Variants in EPHA6 observed in about 807,000 individuals in gnomAD.
The protein encoded by EPHA6 is EPH receptor A6.
Under a neutral mutation model 112.0 loss-of-function variants are expected in EPHA6, and 50 were observed. The observed-to-expected ratio is 0.45, with a 90% CI of 0.36 to 0.56. The LOEUF (loss-of-function observed/expected upper bound fraction) is 0.56, where lower values mean the gene tolerates loss of function less well. EPHA6 is among the 20% of genes least tolerant of loss of function. The pLI, the probability that EPHA6 is intolerant of heterozygous loss-of-function variation, is 0.00. For missense variants in EPHA6, 1,280 were observed against 1,417.4 expected (o/e 0.90, Z 1.56); for synonymous variants, 529 against 490.7 (o/e 1.08, Z -1.03).
At position 97,755,669 on chromosome 3, in the gene EPHA6, A is replaced by G. The variant is rs192070230; in HGVS notation, c.*6968A>G. On this transcript the variant is annotated 3_prime_UTR_variant, in exon 18 of 18. Transcript: ENST00000389672. Reference sequence around the variant, plus strand: ...GAATCATTTTTCATATATTCCATTCAATTTGTATATTTAGGTATTAGTAAC... The same window carrying G: ...GAATCATTTTTCATATATTCCATTCGATTTGTATATTTAGGTATTAGTAAC... Among the ~76,000 whole-genome samples the G allele has an allele frequency of 1.1e-4, 16 of 152,228 alleles. No individual in the cohort carries two copies. Among genetic ancestry groups the G allele is most frequent in the Admixed American group, 1.0e-3 (16 of 15,302 alleles).
chr3:97,290,567 C>T (rs748872442), intron 5 of EPHA6, among the ~76,000 whole-genome samples: 2 of 152,044 alleles, frequency 1.3e-5, no homozygotes, highest in Non-Finnish European at 2.9e-5. Flanking sequence ...ATAACTGATT[C>T]TCTCTCTGTT....
intron 2 of EPHA6, among the ~76,000 whole-genome samples, chr3:96,884,288 G>T (rs2037495635): frequency 6.6e-6 from 1 of 152,026 alleles, no homozygotes; most frequent in South Asian, 2.1e-4. Context: ...GGATTGCATT[G>T]ATTTGTAGAT....
intron 5 of EPHA6, among the ~76,000 whole-genome samples, chr3:97,303,763 T>C (rs1186810955): frequency 6.6e-6 from 1 of 152,058 alleles, no homozygotes; most frequent in Non-Finnish European, 1.5e-5. Context: ...AAAAATAAAT[T>C]TGGATTCATA....
rs867524806 is a variant in EPHA6 at position 97,632,460 on chromosome 3, A to C, written c.2575-5413A>C. Among the ~76,000 whole-genome samples the C allele has an allele frequency of 2.1e-3, 317 of 152,136 alleles. 3 individuals are homozygous for C. The highest frequency in any genetic ancestry group is 7.1e-3 in the African/African-American group (294 of 41,554). On this transcript the variant is annotated intron_variant, in intron 13 of 17. Coordinates refer to ENST00000389672, the MANE Select transcript of EPHA6 (RefSeq NM_001080448.3). ...TTAGAGACAAAGCCAAGTTGGACCA[A>C]GTTCTTCTCTCTATTGCTCTCAAAT...
intron 3 of EPHA6, among the ~76,000 whole-genome samples, chr3:97,068,154 CAAAAAAAAAAGAAAAA>C (rs1294479160): frequency 6.6e-5 from 4 of 61,016 alleles, no homozygotes; most frequent in African/African-American, 3.1e-4. Flanking sequence ...GACTCCATCT[CAAAAAAAAAAGAAAAA>C]AAAAAAAAAA....
In EPHA6 at chr3:97,244,132, C is replaced by T; in HGVS notation, c.1451C>T (p.Pro484Leu). Residue 484 changes from proline (P) to leucine (L), a missense_variant, in exon 5 of 18, where the codon CCA becomes CTA. Pro to Leu is a moderately conservative substitution (Grantham distance 98). Coordinates refer to ENST00000389672, the MANE Select transcript of EPHA6 (RefSeq NM_001080448.3). ...EDCGGGLRFI[P>L]RHTGLINNSV... The stretch of plus-strand genomic sequence containing the variant: ...TGTGGTGGAGGACTCCGCTTCATCC[C>T]AAGACATACAGGCCTGATCAACAAT... 1 of 1,613,022 alleles carries T rather than the reference C, an allele frequency of 6.2e-7. No individual in the cohort carries two copies. The highest frequency in any genetic ancestry group is 8.5e-7 in the Non-Finnish European group (1 of 1,179,334).
At chr3:97,133,548 CAG>C (rs2075691548) in intron 3 of EPHA6, among the ~76,000 whole-genome samples, 2 of 151,944 alleles carry the variant, frequency 1.3e-5, no homozygotes. Context: ...TGCTAAGAGG[CAG>C]AGTTAAAATT....
At chr3:97,439,627 C>T in intron 6 of EPHA6, 4 of 1,004,874 alleles carry the variant, frequency 4.0e-6, no homozygotes, top group Non-Finnish European at 4.8e-6. Flanking sequence ...AACTTCCCAG[C>T]CTCAGAAAGG....
chr3:97,335,011 A>T (rs2082989871), intron 5 of EPHA6, among the ~76,000 whole-genome samples: 1 of 152,136 alleles, frequency 6.6e-6, no homozygotes, highest in Admixed American at 6.6e-5. Context: ...TAGTCAGTTC[A>T]GGCTGTAATA....
chr3:96,967,173 G>T (rs1239711508), intron 2 of EPHA6, among the ~76,000 whole-genome samples: 1 of 137,734 alleles, frequency 7.3e-6, no homozygotes, highest in Non-Finnish European at 1.5e-5. Flanking sequence ...GTGCTTCAAT[G>T]CTATGAATAC....
intron 11 of EPHA6, chr3:97,559,489 A>C (rs992365601): frequency 9.2e-6 from 3 of 327,446 alleles, no homozygotes; most frequent in Non-Finnish European, 1.8e-5. Flanking sequence ...ATCAGCAGAC[A>C]GAATGGAACT....
At chr3:96,880,058 T>G (rs2037217630) in intron 2 of EPHA6, among the ~76,000 whole-genome samples, 1 of 151,988 alleles carries the variant, frequency 6.6e-6, no homozygotes, top group Admixed American at 6.6e-5. Context: ...CACTATACAG[T>G]TCATCCATGT....
intron 2 of EPHA6, among the ~76,000 whole-genome samples, chr3:96,944,064 CAA>C (rs1297641853): frequency 2.0e-5 from 3 of 152,092 alleles, no homozygotes; most frequent in Non-Finnish European, 4.4e-5. Flanking sequence ...AAATTCCTTG[CAA>C]AGTTATCTAT....
intron 3 of EPHA6, among the ~76,000 whole-genome samples, chr3:97,218,213 G>T (rs1020421103): frequency 3.9e-5 from 6 of 151,926 alleles, no homozygotes; most frequent in African/African-American, 1.2e-4. Context: ...GGAGGCTGCA[G>T]TAAGCTGTGA....
intron 6 of EPHA6, among the ~76,000 whole-genome samples, chr3:97,431,649 C>A (rs940788738): frequency 6.6e-6 from 1 of 152,082 alleles, no homozygotes; most frequent in Non-Finnish European, 1.5e-5. Flanking sequence ...TATTACAACT[C>A]CTGTTATCCA....
At chr3:96,848,070 G>A (rs527320366) in intron 1 of EPHA6, among the ~76,000 whole-genome samples, 30 of 152,072 alleles carry the variant, frequency 2.0e-4, no homozygotes, top group African/African-American at 6.7e-4. Context: ...ATCATTTAAT[G>A]TTTGCATGGG....
chr3:97,414,343 A>G (rs2087952815), intron 6 of EPHA6, among the ~76,000 whole-genome samples: 1 of 152,030 alleles, frequency 6.6e-6, no homozygotes, highest in African/African-American at 2.4e-5. Flanking sequence ...ATCTTTTCTA[A>G]TTGTTAATCA....
At chr3:97,544,861 T>A (rs1368203531) in intron 11 of EPHA6, among the ~76,000 whole-genome samples, 1 of 152,182 alleles carries the variant, frequency 6.6e-6, no homozygotes, top group Non-Finnish European at 1.5e-5. Context: ...TCTTCTAGAT[T>A]TTCTAGTTTA....
intron 2 of EPHA6, among the ~76,000 whole-genome samples, chr3:96,974,589 A>T (rs984143681): frequency 1.3e-4 from 20 of 152,052 alleles, no homozygotes; most frequent in Non-Finnish European, 2.6e-4. Context: ...AAATCGAATT[A>T]TACATGCTTC....
Sources: gnomAD v4.1 joint callset for allele counts (sites outside exome capture counted in the v4.1 genomes callset) on GRCh38, gnomAD v4.1.1 for gene constraint, MANE v1.5 for transcripts, NCBI Gene and HGNC (gene_info 2026-07-23, HGNC 2026-07-21) for gene names.